Variants in PDE10A observed in about 807,000 individuals in gnomAD.
PDE10A encodes cAMP and cAMP-inhibited cGMP 3',5'-cyclic phosphodiesterase 10A.
In PDE10A, 39 loss-of-function variants were observed where a neutral mutation model predicts 97.7. The ratio of observed to expected loss-of-function variants is 0.40; its 90% CI spans 0.31 to 0.52. The LOEUF (loss-of-function observed/expected upper bound fraction) is 0.52. Ranked by LOEUF, PDE10A falls within the 20% of genes least tolerant of loss-of-function variation. The pLI is 0.56. For synonymous variants in PDE10A, 371 were observed against 376.8 expected (o/e 0.98, Z 0.18); for missense variants, 731 against 1,047.8 (o/e 0.70, Z 4.17).
At chr6:165,822,504 G>A (rs1283911030) in intron 1 of PDE10A, among the ~76,000 whole-genome samples, 1 of 152,192 alleles carries the variant, frequency 6.6e-6, no homozygotes, top group Non-Finnish European at 1.5e-5. Flanking sequence ...ATTGCTCCCA[G>A]GCTGCAAACC....
At chr6:165,775,050 G>A (rs1778138253) in intron 1 of PDE10A, 1 of 152,070 alleles carries the variant, frequency 6.6e-6, no homozygotes, top group Non-Finnish European at 1.5e-5. Context: ...AAACGCTGTT[G>A]GCCTGGGCAA....
At chr6:165,693,522 C>G (rs940073644) in intron 1 of PDE10A, among the ~76,000 whole-genome samples, 4 of 94,468 alleles carry the variant, frequency 4.2e-5, no homozygotes, top group African/African-American at 1.3e-4. Context: ...CAGAGGGAGG[C>G]TCCACCAAAA....
intron 1 of PDE10A, among the ~76,000 whole-genome samples, chr6:165,799,243 C>T (rs914274593): frequency 6.6e-6 from 1 of 152,150 alleles, no homozygotes; most frequent in Non-Finnish European, 1.5e-5. Flanking sequence ...GAAAAACCAG[C>T]GAATGAGAAA....
intron 1 of PDE10A, among the ~76,000 whole-genome samples, chr6:165,973,426 A>T (rs149505323): frequency 0.03 from 4,432 of 147,030 alleles, 198 homozygotes; most frequent in African/African-American, 0.094. Context: ...AAAAAAAAAA[A>T]ATAAAATAAA....
At chr6:165,801,772 TC>T (rs1258306158) in intron 1 of PDE10A, among the ~76,000 whole-genome samples, 1 of 152,222 alleles carries the variant, frequency 6.6e-6, no homozygotes, top group Non-Finnish European at 1.5e-5. Flanking sequence ...TTTCATGTTT[TC>T]CTTATTAAAC....
chr6:165,379,812 T>C (rs1243089139), intron 17 of PDE10A, among the ~76,000 whole-genome samples: 1 of 152,202 alleles, frequency 6.6e-6, no homozygotes, highest in East Asian at 1.9e-4. Context: ...CCACTTCAGG[T>C]TGTAACATAC....
chr6:165,720,991 C>T (rs375140422), intron 1 of PDE10A, among the ~76,000 whole-genome samples: 218 of 152,166 alleles, frequency 1.4e-3, no homozygotes, highest in African/African-American at 4.7e-3. Context: ...ATGTTGAGGA[C>T]GTATGGAAAG....
At chr6:165,873,339 A>C (rs1002607347) in intron 1 of PDE10A, among the ~76,000 whole-genome samples, 1 of 151,988 alleles carries the variant, frequency 6.6e-6, no homozygotes, top group Non-Finnish European at 1.5e-5. Flanking sequence ...GCAGAACAAA[A>C]CCCCGACAGC....
intron 13 of PDE10A, among the ~76,000 whole-genome samples, chr6:165,399,152 T>C (rs1342210190): frequency 1.3e-5 from 2 of 152,146 alleles, no homozygotes; most frequent in African/African-American, 4.8e-5. Flanking sequence ...CACTACCTAA[T>C]AAGATAGTTT....
At chr6:165,755,711 T>C (rs1273365605) in intron 1 of PDE10A, among the ~76,000 whole-genome samples, 1 of 152,032 alleles carries the variant, frequency 6.6e-6, no homozygotes, top group African/African-American at 2.4e-5. Context: ...AGGGGGCAGC[T>C]GATTTGGAAA....
intron 2 of PDE10A, among the ~76,000 whole-genome samples, chr6:165,491,631 T>A (rs540079984): frequency 6.6e-6 from 1 of 152,198 alleles, no homozygotes; most frequent in East Asian, 1.9e-4. Flanking sequence ...TTAAATTACC[T>A]GCTAATGAAT....
intron 1 of PDE10A, chr6:165,576,556 C>A: frequency 4.3e-6 from 3 of 697,502 alleles, no homozygotes; most frequent in South Asian, 1.6e-5. Flanking sequence ...AAAAACAAAA[C>A]AAAAAAATCA....
intron 1 of PDE10A, among the ~76,000 whole-genome samples, chr6:165,571,787 T>C (rs1299580953): frequency 6.6e-6 from 1 of 152,184 alleles, no homozygotes; most frequent in East Asian, 1.9e-4. Flanking sequence ...ACTTCAAAAG[T>C]TTCTATTCAC....
chr6:165,949,914 C>G (rs1783898788), intron 1 of PDE10A: 1 of 151,998 alleles, frequency 6.6e-6, no homozygotes, highest in East Asian at 1.9e-4. Flanking sequence ...TAAAATGATC[C>G]CTGGGGGAAA....
At chr6:165,710,552 C>A (rs1791868988) in intron 1 of PDE10A, among the ~76,000 whole-genome samples, 1 of 152,138 alleles carries the variant, frequency 6.6e-6, no homozygotes, top group Admixed American at 6.5e-5. Flanking sequence ...AAGCACTTTT[C>A]GTTTTGTATT....
At chr6:165,371,564 G>T (rs553000683) in intron 18 of PDE10A, among the ~76,000 whole-genome samples, 8 of 152,160 alleles carry the variant, frequency 5.3e-5, no homozygotes, top group East Asian at 3.9e-4. Flanking sequence ...AATAACAGGA[G>T]CTGAAATTGT....
chr6:165,890,276 A>G (rs940208783), intron 1 of PDE10A, among the ~76,000 whole-genome samples: 1 of 152,104 alleles, frequency 6.6e-6, no homozygotes. Context: ...ACTTGATGGC[A>G]GCAATCACTG....
chr6:165,903,727 G>T (rs1782180398), intron 1 of PDE10A, among the ~76,000 whole-genome samples: 1 of 151,264 alleles, frequency 6.6e-6, no homozygotes, highest in Non-Finnish European at 1.5e-5. Flanking sequence ...AGATCACCTG[G>T]GGAGAAAGTG....
Position 165,608,356 on chromosome 6 carries a change from C to T in PDE10A, c.865+53591G>A, listed in dbSNP as rs532497827. 8.0e-5 allele frequency among the ~76,000 whole-genome samples: 12 copies of T among 149,306 alleles called. No homozygotes were observed. The South Asian group carries it at 8.5e-4, about 11-fold the overall frequency. On this transcript the variant is annotated intron_variant, in intron 1 of 21. Transcript: ENST00000539869. Reference sequence around the variant, plus strand: ...ATTCCCACCTATGAGTGAGAACATGCGGTGTTTGGATTTTTGTCCTTGCGA... The same window carrying T: ...ATTCCCACCTATGAGTGAGAACATGTGGTGTTTGGATTTTTGTCCTTGCGA...
Sources: gnomAD v4.1 joint callset for allele counts (sites outside exome capture counted in the v4.1 genomes callset) on GRCh38, gnomAD v4.1.1 for gene constraint, MANE v1.5 for transcripts, NCBI Gene and HGNC (gene_info 2026-07-23, HGNC 2026-07-21) for gene names.